OSBPL2: variants seen among roughly 807,000 people sequenced by gnomAD.
The protein encoded by OSBPL2 is oxysterol-binding protein-related protein 2.
A neutral mutation model predicts 58.4 loss-of-function variants in OSBPL2; 18 were observed. The observed-to-expected ratio is 0.31, with a 90% CI of 0.21 to 0.46. The LOEUF (loss-of-function observed/expected upper bound fraction) is 0.46. OSBPL2 is among the 20% of genes least tolerant of loss of function. The pLI is 1.00. For missense variants in OSBPL2, 461 were observed against 616.5 expected, an observed-to-expected ratio of 0.75 and a Z score of 2.67; for synonymous variants, 221 against 234.1, an observed-to-expected ratio of 0.94 and a Z score of 0.51.
rs772929692 is a variant in OSBPL2 at position 62,284,082 on chromosome 20, G to C, written c.909G>C (p.Thr303=). The C allele has an allele frequency of 1.4e-5, 22 of 1,613,920 alleles. No homozygotes were observed. In the Middle Eastern group the frequency reaches 8.2e-4, roughly 61 times the overall value. ...KKLFMIYGKW[T]ECLWGIDPVS... ...TCTTTATGATCTATGGCAAATGGAC[G>C]GAATGTTTGTGGGGCATAGATCCTG... The change falls in exon 10 of 14, where the codon ACG becomes ACC. Residue 303 remains threonine, a synonymous_variant. Transcript: ENST00000313733.
At chr20:62,283,634 A>G (rs867239117) in intron 9 of OSBPL2, among the ~76,000 whole-genome samples, 2 of 152,222 alleles carry the variant, frequency 1.3e-5, no homozygotes, top group African/African-American at 4.8e-5. Flanking sequence ...GAGTGTGTTG[A>G]AAATGATCAG....
At chr20:62,290,882 T>C (rs1452600496) in intron 12 of OSBPL2, among the ~76,000 whole-genome samples, 1 of 151,306 alleles carries the variant, frequency 6.6e-6, no homozygotes, top group African/African-American at 2.4e-5. Context: ...GGATTACAGG[T>C]GCCCGCCACC....
At chr20:62,246,907 T>A (rs1980155992) in intron 1 of OSBPL2, among the ~76,000 whole-genome samples, 1 of 152,234 alleles carries the variant, frequency 6.6e-6, no homozygotes. Flanking sequence ...ACTTTGTGAC[T>A]CTGATGCTCG....
In OSBPL2 at chr20:62,256,163, A is replaced by T. The variant is rs764342688; in HGVS notation, c.-22A>T. On this transcript the variant is annotated 5_prime_UTR_variant, in exon 2 of 14. Transcript: ENST00000313733. ...CAGTAGAAGAGCACATGTCAGGGGC[A>T]GTGGAGGCTGGCTGCTGAAGGATGA... The T allele has an allele frequency of 1.2e-6, 2 of 1,613,334 alleles. No homozygotes were observed. Among genetic ancestry groups the T allele is most frequent in the Non-Finnish European group, 1.7e-6 (2 of 1,179,492 alleles).
At chr20:62,280,058 G>A (rs767032336) in intron 7 of OSBPL2, 10 of 1,304,152 alleles carry the variant, frequency 7.7e-6, no homozygotes, top group African/African-American at 6.1e-5. Flanking sequence ...AACAAATGCC[G>A]GCCGCTAAGA....
At chr20:62,287,498 C>T (rs1983210556) in intron 11 of OSBPL2, among the ~76,000 whole-genome samples, 1 of 152,176 alleles carries the variant, frequency 6.6e-6, no homozygotes, top group Non-Finnish European at 1.5e-5. Context: ...GCTCTGTCAC[C>T]CAGGCTGCAG....
At position 62,252,074 on chromosome 20, in the gene OSBPL2, A is replaced by C. The variant is rs531311169; in HGVS notation, c.-128-3983A>C. Among the ~76,000 whole-genome samples, 6 of 149,738 alleles carry C rather than the reference A, an allele frequency of 4.0e-5. No homozygotes were observed. In the South Asian group the frequency reaches 1.1e-3, roughly 26 times the overall value. On this transcript the variant is annotated intron_variant, in intron 1 of 13. Transcript: ENST00000313733. ...AATTTTTGTGTATTTTGTAGAGATGAGGTTTTGCAATGTTGCCCAGGCTGA... is the reference window on the plus strand; with the variant it reads ...AATTTTTGTGTATTTTGTAGAGATGCGGTTTTGCAATGTTGCCCAGGCTGA...
chr20:62,272,305 C>T (rs1349149378), intron 5 of OSBPL2, 46 bp downstream of exon 5: 2 of 1,597,704 alleles, frequency 1.3e-6, no homozygotes, highest in Non-Finnish European at 1.7e-6. Context: ...GAAAGTGATG[C>T]CCCTTGCATG....
intron 4 of OSBPL2, among the ~76,000 whole-genome samples, chr20:62,263,928 G>A (rs764827261): frequency 3.9e-5 from 6 of 152,100 alleles, no homozygotes; most frequent in Admixed American, 6.5e-5. Flanking sequence ...AGCTGGGCGT[G>A]GTGGAGGGCG....
chr20:62,256,050 C>T lies in OSBPL2; in HGVS notation c.-128-7C>T, dbSNP rs1568830804. 1 of 1,032,346 alleles carries T rather than the reference C, an allele frequency of 9.7e-7. No homozygotes were observed. The highest frequency in any genetic ancestry group is 1.7e-5 in the South Asian group (1 of 57,282). 63.9% of individuals were successfully genotyped at this position (1,032,346 alleles called of 1,614,324 possible). On this transcript the variant is annotated splice_region_variant and splice_polypyrimidine_tract_variant and intron_variant, in intron 1 of 13. Coordinates refer to ENST00000313733, the MANE Select transcript of OSBPL2 (RefSeq NM_144498.4). ...AGCTAAGTATGCCAAAATTTTTTTC[C>T]CTTTAGATCTTCAGTGTCTATTGGA...
chr20:62,291,506 G>T, intron 12 of OSBPL2, 197 bp from the exon 13 acceptor site: 2 of 624,830 alleles, frequency 3.2e-6, no homozygotes, highest in Non-Finnish European at 5.8e-6. Flanking sequence ...AGCTCCGCTT[G>T]GGAAGGGCCC....
intron 2 of OSBPL2, among the ~76,000 whole-genome samples, chr20:62,258,493 A>C (rs1192199675): frequency 6.6e-6 from 1 of 152,230 alleles, no homozygotes; most frequent in Non-Finnish European, 1.5e-5. Context: ...CTATGAACGC[A>C]GAGGGGCTAA....
At chr20:62,244,340 C>T (rs534719634) in intron 1 of OSBPL2, among the ~76,000 whole-genome samples, 2 of 152,220 alleles carry the variant, frequency 1.3e-5, no homozygotes, top group Non-Finnish European at 2.9e-5. Flanking sequence ...CTCTCGGGGC[C>T]GTTGGTTTTG....
At chr20:62,292,440 C>T (rs6062197) in intron 13 of OSBPL2, among the ~76,000 whole-genome samples, 4,108 of 152,310 alleles carry the variant, frequency 0.027, 173 homozygotes, top group African/African-American at 0.093. Context: ...GAGGCTGGGA[C>T]GGTGGCATGG....
At chr20:62,263,893 G>A (rs759893984) in intron 4 of OSBPL2, among the ~76,000 whole-genome samples, 5 of 152,014 alleles carry the variant, frequency 3.3e-5, no homozygotes, top group Non-Finnish European at 5.9e-5. Context: ...GTGAAACCCC[G>A]TCTCTACTAA....
chr20:62,242,214 T>C (rs1311046126), intron 1 of OSBPL2: 1 of 152,218 alleles, frequency 6.6e-6, no homozygotes, highest in Admixed American at 6.5e-5. Context: ...GGAAGCGTGG[T>C]GGTGTCCCGG....
intron 4 of OSBPL2, among the ~76,000 whole-genome samples, chr20:62,266,113 C>A (rs1981640981): frequency 1.3e-5 from 2 of 152,050 alleles, no homozygotes; most frequent in Admixed American, 6.6e-5. Context: ...CAGAGGGAAA[C>A]CTTGTCTCTT....
chr20:62,256,009 C>T, intron 1 of OSBPL2, 48 bp from the exon 2 acceptor site: 1 of 577,648 alleles, frequency 1.7e-6, no homozygotes, highest in East Asian at 3.3e-5. Flanking sequence ...TGTTTTTAAA[C>T]CGTGAAACTT....
chr20:62,255,590 GCCTC>G (rs1980868219), intron 1 of OSBPL2, among the ~76,000 whole-genome samples: 1 of 152,166 alleles, frequency 6.6e-6, no homozygotes, highest in Non-Finnish European at 1.5e-5. Context: ...TGCGATCTCT[GCCTC>G]CCGAGTTCAA....
Sources: gnomAD v4.1 joint callset for allele counts (sites outside exome capture counted in the v4.1 genomes callset) on GRCh38, gnomAD v4.1.1 for gene constraint, MANE v1.5 for transcripts, NCBI Gene and HGNC (gene_info 2026-07-23, HGNC 2026-07-21) for gene names.